The following CSMD1 variants were observed in gnomAD, a reference collection of about 807,000 sequenced individuals.
CSMD1 encodes the protein CUB and Sushi multiple domains 1, also known as CUB and sushi domain-containing protein 1.
In CSMD1, 213 loss-of-function variants were observed where a neutral mutation model predicts 417.5. The ratio of observed to expected loss-of-function variants is 0.51; its 90% CI spans 0.46 to 0.57. The LOEUF (loss-of-function observed/expected upper bound fraction) is 0.57. Among genes scored for constraint, CSMD1 ranks in the 20% least tolerant of loss-of-function variants. The pLI is 0.00. For missense variants in CSMD1, 6,923 were observed against 4,529.7 expected (o/e 1.53, Z -15.17); for synonymous variants, 2,862 against 1,736.8 (o/e 1.65, Z -16.11).
intron 3 of CSMD1, among the ~76,000 whole-genome samples, chr8:4,091,179 A>C (rs929492160): frequency 6.6e-6 from 1 of 152,134 alleles, no homozygotes; most frequent in Admixed American, 6.5e-5. Context: ...TCGGCCTCCC[A>C]AAGTGCTGGG....
chr8:4,368,963 T>C (rs1429498088), intron 3 of CSMD1, among the ~76,000 whole-genome samples: 1 of 152,144 alleles, frequency 6.6e-6, no homozygotes, highest in African/African-American at 2.4e-5. Flanking sequence ...TCAGTTCAGC[T>C]CTGATTTTGG....
rs544665229 is a variant in CSMD1 at position 4,381,312 on chromosome 8, T to C, written c.415+38641A>G. ...TTGGGGAAACCACTGGGTGGGGAAT[T>C]GCACTGGCTATTCATTCCCAACACA... On this transcript the variant is annotated intron_variant, in intron 3 of 69. Transcript: ENST00000635120. Among the ~76,000 whole-genome samples, 60 of 152,202 alleles carry C rather than the reference T, an allele frequency of 3.9e-4. 2 individuals are homozygous for C. The South Asian group carries it at 0.012, about 31-fold the overall frequency.
At chr8:3,881,084 G>T (rs1350540069) in intron 5 of CSMD1, among the ~76,000 whole-genome samples, 1 of 152,022 alleles carries the variant, frequency 6.6e-6, no homozygotes, top group Admixed American at 6.6e-5. Context: ...AAAACTGAAT[G>T]CACGAAATCT....
chr8:3,069,899 A>G (rs1172307819), intron 49 of CSMD1, among the ~76,000 whole-genome samples: 1 of 152,210 alleles, frequency 6.6e-6, no homozygotes, highest in African/African-American at 2.4e-5. Context: ...ACATACTCCA[A>G]AATCTAGGTA....
At chr8:4,970,039 G>C (rs973679543) in intron 1 of CSMD1, among the ~76,000 whole-genome samples, 4 of 152,080 alleles carry the variant, frequency 2.6e-5, no homozygotes, top group Admixed American at 2.6e-4. Context: ...AAATGCAAAT[G>C]AATGTCCAAT....
chr8:4,517,992 G>C (rs1051290330), intron 2 of CSMD1, among the ~76,000 whole-genome samples: 4 of 152,038 alleles, frequency 2.6e-5, no homozygotes, highest in Admixed American at 6.6e-5. Flanking sequence ...ATTCAATATT[G>C]ATACTCATTA....
At chr8:4,046,278 G>C (rs1168540093) in intron 3 of CSMD1, among the ~76,000 whole-genome samples, 1 of 152,060 alleles carries the variant, frequency 6.6e-6, no homozygotes, top group African/African-American at 2.4e-5. Flanking sequence ...ATTCTTGGCT[G>C]TTTCTCAGTC....
intron 2 of CSMD1, among the ~76,000 whole-genome samples, chr8:4,577,988 C>A (rs181576556): frequency 1.1e-3 from 174 of 152,262 alleles, no homozygotes; most frequent in East Asian, 9.6e-4. Context: ...AAATTTTGGA[C>A]TTTCGGGGAT....
At chr8:3,348,302 G>T in intron 21 of CSMD1, 141 bp from the exon 22 acceptor site, 1 of 620,052 alleles carries the variant, frequency 1.6e-6, no homozygotes, top group Non-Finnish European at 2.6e-6. Flanking sequence ...AAATAGATCA[G>T]TGATTTTTTT....
At position 3,957,272 on chromosome 8, in the gene CSMD1, G is replaced by A. The variant is rs573100224; in HGVS notation, c.818+40631C>T. Among the ~76,000 whole-genome samples, 408 of 152,286 alleles carry A rather than the reference G, an allele frequency of 2.7e-3. 2 individuals carry two copies. The highest frequency in any genetic ancestry group is 0.01 in the Middle Eastern group (3 of 294). ...GTGTAGGTTTCACTATCGCAGTGGG[G>A]ATACATGTACTTTTGTGCCCTCAGA... On this transcript the variant is annotated intron_variant, in intron 5 of 69. Transcript: ENST00000635120.
intron 2 of CSMD1, among the ~76,000 whole-genome samples, chr8:4,457,160 G>A (rs2129903797): frequency 6.6e-6 from 1 of 152,002 alleles, no homozygotes; most frequent in East Asian, 1.9e-4. Flanking sequence ...CCATGATTTG[G>A]GTTTTACGGA....
chr8:3,983,981 G>A (rs534207221), intron 5 of CSMD1, among the ~76,000 whole-genome samples: 2 of 150,662 alleles, frequency 1.3e-5, no homozygotes, highest in Non-Finnish European at 3.0e-5. Flanking sequence ...GTCAATTGCA[G>A]CTCTAGAGCA....
chr8:3,452,224 A>C (rs1003660421), intron 12 of CSMD1, among the ~76,000 whole-genome samples: 1 of 152,160 alleles, frequency 6.6e-6, no homozygotes, highest in Non-Finnish European at 1.5e-5. Context: ...GGGCTGAGAC[A>C]ATGGGGTTTT....
At chr8:4,296,493 C>A (rs539978764) in intron 3 of CSMD1, among the ~76,000 whole-genome samples, 8 of 151,914 alleles carry the variant, frequency 5.3e-5, no homozygotes, top group Non-Finnish European at 1.0e-4. Flanking sequence ...TAATTAATAT[C>A]TTTTCCCAAA....
At chr8:3,879,465 T>A (rs528211423) in intron 5 of CSMD1, among the ~76,000 whole-genome samples, 1 of 152,216 alleles carries the variant, frequency 6.6e-6, no homozygotes, top group South Asian at 2.1e-4. Flanking sequence ...GGTTTTTGCT[T>A]CTCGTTTTGC....
Position 2,938,713 on chromosome 8 carries a change from C to A in CSMD1, c.10567G>T (p.Ala3523Ser). Residue 3523 changes from alanine (A) to serine (S), a missense_variant, in exon 70 of 70, where the codon GCT becomes TCT. Ala to Ser is a moderately conservative substitution (Grantham distance 99). Coordinates refer to ENST00000635120, the MANE Select transcript of CSMD1 (RefSeq NM_033225.6). The stretch of plus-strand genomic sequence containing the variant: ...TGTCCATTGCTGTTTTCATGCCCAG[C>A]ATAGCCATTGTATTGAACTTTTGGT... Reference protein sequence around the residue: ...TRPKVQYNGYAGHENSNGQAS... With the variant: ...TRPKVQYNGYSGHENSNGQAS... The A allele has an allele frequency of 6.2e-7, 1 of 1,611,078 alleles. No individual in the cohort carries two copies. The highest frequency in any genetic ancestry group is 8.5e-7 in the Non-Finnish European group (1 of 1,178,490).
intron 1 of CSMD1, among the ~76,000 whole-genome samples, chr8:4,921,352 A>G (rs1806486926): frequency 6.6e-6 from 1 of 152,188 alleles, no homozygotes; most frequent in East Asian, 1.9e-4. Context: ...TTATGTTTTA[A>G]TCTTCCTAAG....
chr8:3,721,831 G>C (rs142644265), intron 6 of CSMD1, among the ~76,000 whole-genome samples: 9 of 152,218 alleles, frequency 5.9e-5, no homozygotes, highest in African/African-American at 2.2e-4. Context: ...ATTAATTACA[G>C]GGAGTTTTCT....
Position 4,499,868 on chromosome 8 carries a change from G to T in CSMD1, c.303-79803C>A, listed in dbSNP as rs1353601758. On this transcript the variant is annotated intron_variant, in intron 2 of 69. Coordinates refer to ENST00000635120, the MANE Select transcript of CSMD1 (RefSeq NM_033225.6). ...TAAGCAGGTAAATGGAAAATATCAA[G>T]GGAAAGTAATGGTTAGTATTGTATT... 2.0e-5 allele frequency among the ~76,000 whole-genome samples: 3 copies of T among 152,152 alleles called. 1 individual carries two copies. The South Asian group carries it at 6.2e-4, about 31-fold the overall frequency.
Sources: allele counts gnomAD v4.1 joint callset (sites outside exome capture counted in the v4.1 genomes callset), GRCh38; gene constraint gnomAD v4.1.1; transcripts MANE v1.5; gene names NCBI Gene and HGNC (gene_info 2026-07-23, HGNC 2026-07-21).